The following BRINP2 variants were observed in gnomAD, a reference collection of about 807,000 sequenced individuals.
BRINP2 encodes BMP/retinoic acid inducible neural specific 2, also known as BMP/retinoic acid-inducible neural-specific protein 2.
Under a neutral mutation model 69.2 loss-of-function variants are expected in BRINP2, and 21 were observed. The ratio of observed to expected loss-of-function variants is 0.30; its 90% CI spans 0.22 to 0.44. The LOEUF is 0.44. Ranked by LOEUF, BRINP2 falls within the 20% of genes least tolerant of loss-of-function variation. The pLI is 1.00. For missense variants in BRINP2, 877 were observed against 986.0 expected, an observed-to-expected ratio of 0.89 and a Z score of 1.48; for synonymous variants, 380 against 394.1, an observed-to-expected ratio of 0.96 and a Z score of 0.42.
intron 2 of BRINP2, among the ~76,000 whole-genome samples, chr1:177,254,495 T>C (rs373308120): frequency 1.2e-4 from 19 of 152,142 alleles, no homozygotes; most frequent in African/African-American, 4.1e-4. Flanking sequence ...TTTTTAATAT[T>C]CTGTAAGATG....
chr1:177,211,444 T>C, intron 1 of BRINP2, among the ~76,000 whole-genome samples: 1 of 152,206 alleles, frequency 6.6e-6, no homozygotes, highest in East Asian at 1.9e-4. Context: ...TTGCACGTAC[T>C]TGTCATGCCT....
chr1:177,231,181 T>C (rs1649853145), intron 2 of BRINP2, among the ~76,000 whole-genome samples: 1 of 152,112 alleles, frequency 6.6e-6, no homozygotes, highest in Non-Finnish European at 1.5e-5. Flanking sequence ...ATAAAGTAAC[T>C]CCAACCCTAT....
intron 1 of BRINP2, among the ~76,000 whole-genome samples, chr1:177,216,553 C>T (rs537442320): frequency 2.3e-4 from 35 of 152,172 alleles, no homozygotes; most frequent in African/African-American, 8.2e-4. Flanking sequence ...CTAGGCTATT[C>T]CACATTTTGC....
At chr1:177,229,712 G>A (rs1375726593) in intron 1 of BRINP2, 89 bp from the exon 2 acceptor site, 14 of 918,422 alleles carry the variant, frequency 1.5e-5, no homozygotes, top group Non-Finnish European at 2.2e-5. Flanking sequence ...AAGGATTTCC[G>A]GAATGGGCCC....
Position 177,281,612 on chromosome 1 carries a change from A to C in BRINP2, c.*84A>C. 1 of 1,477,126 alleles carries C rather than the reference A, an allele frequency of 6.8e-7. No individual in the cohort carries two copies. The highest frequency in any genetic ancestry group is 1.3e-5 in the South Asian group (1 of 74,184). 91.5% of individuals were successfully genotyped at this position (1,477,126 alleles called of 1,614,324 possible). ...TAATCTAAGCCCTCACCTTAGTGCC[A>C]ACAGGGTGTGCTCCCACGAGACTTT... On this transcript the variant is annotated 3_prime_UTR_variant, in exon 8 of 8. Coordinates refer to ENST00000361539, the MANE Select transcript of BRINP2 (RefSeq NM_021165.4).
At chr1:177,203,058 C>G (rs1255504939) in intron 1 of BRINP2, among the ~76,000 whole-genome samples, 1 of 151,978 alleles carries the variant, frequency 6.6e-6, no homozygotes, top group Non-Finnish European at 1.5e-5. Context: ...TTCACAATAG[C>G]AAAGACTTGG....
intron 2 of BRINP2, among the ~76,000 whole-genome samples, chr1:177,250,694 A>G (rs1650552571): frequency 6.6e-6 from 1 of 152,136 alleles, no homozygotes; most frequent in Non-Finnish European, 1.5e-5. Context: ...TATCCTTATA[A>G]TCCCTATATG....
At chr1:177,263,593 T>C (rs985673170) in intron 4 of BRINP2, among the ~76,000 whole-genome samples, 3 of 152,116 alleles carry the variant, frequency 2.0e-5, no homozygotes, top group African/African-American at 7.2e-5. Flanking sequence ...AAGTGCACTC[T>C]TGAGAAGTAG....
Position 177,280,435 on chromosome 1 carries a change from G to A in BRINP2, c.1259G>A (p.Arg420Gln), listed in dbSNP as rs778753983. Residue 420 changes from arginine (R) to glutamine (Q), a missense_variant, in exon 8 of 8, where the codon CGA (arginine) becomes CAA (glutamine). Arg to Gln is a conservative substitution (Grantham distance 43). Transcript: ENST00000361539. ...AGGTCCTTGTCCTACTGGTGGAACC[G>A]AATCCAGTCCCTCCTCTACTGTGGG... The part of the protein sequence containing the change: ...KERSLSYWWN[R>Q]IQSLLYCGES... 79 of 1,610,786 alleles carry A rather than the reference G, an allele frequency of 4.9e-5. No individual in the cohort carries two copies. Among genetic ancestry groups the A allele is most frequent in the Non-Finnish European group, 6.2e-5 (73 of 1,178,458 alleles).
At position 177,276,840 on chromosome 1, in the gene BRINP2, T is replaced by A. The variant is rs564740563; in HGVS notation, c.1012+406T>A. Reference sequence around the variant, plus strand: ...CATCCAATACAATTCAGTTGTTGTTTGTTGCTGTTAAAGCTAATATCAGTT... The same window carrying A: ...CATCCAATACAATTCAGTTGTTGTTAGTTGCTGTTAAAGCTAATATCAGTT... On this transcript the variant is annotated intron_variant, in intron 6 of 7. Transcript: ENST00000361539. Among the ~76,000 whole-genome samples the A allele has an allele frequency of 8.5e-5, 13 of 152,350 alleles. No homozygotes were observed. In the South Asian group the frequency reaches 1.5e-3, roughly 17 times the overall value.
rs184751326 is a variant in BRINP2 at position 177,212,413 on chromosome 1, C to T, written c.-76-17388C>T. 2.4e-3 allele frequency among the ~76,000 whole-genome samples: 370 copies of T among 152,084 alleles called. 1 individual carries two copies. Among genetic ancestry groups the T allele is most frequent in the African/African-American group, 8.4e-3 (350 of 41,500 alleles). ...ACAAAAAATTAGCCAGCCATGGTGG[C>T]GGGCACCTGTAGTCCCAGCTACTTG... is the stretch of plus-strand genomic sequence containing the variant. On this transcript the variant is annotated intron_variant, in intron 1 of 7. Transcript: ENST00000361539.
intron 1 of BRINP2, among the ~76,000 whole-genome samples, chr1:177,174,023 C>T (rs1164824222): frequency 6.6e-6 from 1 of 152,220 alleles, no homozygotes; most frequent in African/African-American, 2.4e-5. Context: ...AAAGGGCTGA[C>T]AGCACTTTCC....
intron 1 of BRINP2, among the ~76,000 whole-genome samples, chr1:177,202,633 AT>A (rs1192268585): frequency 6.6e-6 from 1 of 152,146 alleles, no homozygotes; most frequent in East Asian, 1.9e-4. Context: ...TATGTGGTCA[AT>A]TTTGGAATAG....
chr1:177,277,598 A>G (rs1651541055), intron 6 of BRINP2, among the ~76,000 whole-genome samples: 1 of 151,644 alleles, frequency 6.6e-6, no homozygotes, highest in African/African-American at 2.4e-5. Flanking sequence ...AACCAGGTAC[A>G]TGAGAAATCA....
At chr1:177,224,701 C>G (rs1649643568) in intron 1 of BRINP2, among the ~76,000 whole-genome samples, 2 of 151,930 alleles carry the variant, frequency 1.3e-5, no homozygotes, top group Non-Finnish European at 2.9e-5. Context: ...TGACCTCATG[C>G]AATTTAATTA....
intron 1 of BRINP2, among the ~76,000 whole-genome samples, chr1:177,204,806 T>C (rs1051513032): frequency 6.6e-6 from 1 of 152,122 alleles, no homozygotes; most frequent in Non-Finnish European, 1.5e-5. Flanking sequence ...CAAATGATGT[T>C]TTTGTGTGTG....
At chr1:177,180,080 TA>T in intron 1 of BRINP2, among the ~76,000 whole-genome samples, 1 of 152,356 alleles carries the variant, frequency 6.6e-6, no homozygotes, top group Admixed American at 6.5e-5. Context: ...ACATATTTAA[TA>T]TACTCCCAAT....
chr1:177,244,009 C>T (rs1368148421), intron 2 of BRINP2, among the ~76,000 whole-genome samples: 1 of 151,986 alleles, frequency 6.6e-6, no homozygotes, highest in African/African-American at 2.4e-5. Flanking sequence ...TCTGTGAGCC[C>T]AGGAGGAAAA....
chr1:177,200,293 CAAAAAAAAA>C (rs35619503), intron 1 of BRINP2, among the ~76,000 whole-genome samples: 155 of 34,814 alleles, frequency 4.5e-3, no homozygotes, highest in African/African-American at 0.012. Flanking sequence ...AACTCTGTCT[CAAAAAAAAA>C]AAAAAAAAAA....
Sources: allele counts gnomAD v4.1 joint callset (sites outside exome capture counted in the v4.1 genomes callset), GRCh38; gene constraint gnomAD v4.1.1; transcripts MANE v1.5; gene names NCBI Gene and HGNC (gene_info 2026-07-23, HGNC 2026-07-21).